The following PTN variants were observed in gnomAD, a reference collection of about 807,000 sequenced individuals.
PTN encodes the protein heparin affin regulatory protein.
A neutral mutation model predicts 24.1 loss-of-function variants in PTN; 18 were observed. The ratio of observed to expected loss-of-function variants is 0.75; its 90% confidence interval spans 0.52 to 1.11. PTN has a LOEUF of 1.11. Ranked by LOEUF, PTN falls within the 50% of genes least tolerant of loss-of-function variation. PTN has a pLI of 0.00. For synonymous variants in PTN, 78 were observed against 68.6 expected (o/e 1.14, Z -0.67); for missense variants, 163 against 198.8 (o/e 0.82, Z 1.08).
At chr7:137,294,268 G>A (rs1809684892) in intron 1 of PTN, among the ~76,000 whole-genome samples, 1 of 152,062 alleles carries the variant, frequency 6.6e-6, no homozygotes, top group East Asian at 1.9e-4. Flanking sequence ...TAGGTCCTTA[G>A]TAGGGCTGGT....
chr7:137,315,977 C>A (rs747947801), intron 1 of PTN, among the ~76,000 whole-genome samples: 2 of 151,972 alleles, frequency 1.3e-5, no homozygotes, highest in Non-Finnish European at 2.9e-5. Context: ...CAAATAAAAC[C>A]ATGTCTAAAA....
chr7:137,241,672 A>C (rs1864609), intron 4 of PTN, among the ~76,000 whole-genome samples: 33,050 of 152,126 alleles, frequency 0.22, 4,952 homozygotes, highest in African/African-American at 0.42. Context: ...GGATAGAGTT[A>C]GATCTCCCCA....
At chr7:137,293,995 T>G (rs1316026167) in intron 1 of PTN, among the ~76,000 whole-genome samples, 1 of 152,048 alleles carries the variant, frequency 6.6e-6, no homozygotes, top group Non-Finnish European at 1.5e-5. Context: ...AAGCAAAAAA[T>G]GTTGATGGAG....
chr7:137,248,912 T>A (rs1808773048), intron 4 of PTN, among the ~76,000 whole-genome samples: 1 of 152,210 alleles, frequency 6.6e-6, no homozygotes, highest in Non-Finnish European at 1.5e-5. Context: ...TTATATACCA[T>A]AATTTATTTA....
At chr7:137,234,782 C>T (rs778392746) in intron 4 of PTN, among the ~76,000 whole-genome samples, 7 of 151,918 alleles carry the variant, frequency 4.6e-5, no homozygotes, top group Non-Finnish European at 7.4e-5. Flanking sequence ...TTTCAGATGG[C>T]CTGCTGTGTA....
intron 1 of PTN, among the ~76,000 whole-genome samples, chr7:137,335,259 A>G (rs1442656947): frequency 1.3e-5 from 2 of 152,064 alleles, no homozygotes; most frequent in East Asian, 3.9e-4. Context: ...CAAATGAAGA[A>G]GGCAACATTT....
chr7:137,324,433 A>AAAAAAAAAAAAAAATAT, intron 1 of PTN, among the ~76,000 whole-genome samples: 10 of 88,762 alleles, frequency 1.1e-4, no homozygotes, highest in African/African-American at 6.2e-4. Flanking sequence ...AAAAAAAAAA[A>AAAAAAAAAAAAAAATAT]ATATATATAT....
chr7:137,229,810 G>T (rs1186653320), intron 4 of PTN, among the ~76,000 whole-genome samples: 1 of 151,784 alleles, frequency 6.6e-6, no homozygotes, highest in Non-Finnish European at 1.5e-5. Flanking sequence ...CCAAGTGAAA[G>T]ATACATTTTA....
chr7:137,245,437 T>C (rs951598756), intron 4 of PTN, among the ~76,000 whole-genome samples: 23 of 152,222 alleles, frequency 1.5e-4, no homozygotes, highest in Admixed American at 1.5e-3. Flanking sequence ...ATGTCTGTGG[T>C]GATGCGGATG....
At chr7:137,294,021 T>C (rs1809681219) in intron 1 of PTN, among the ~76,000 whole-genome samples, 1 of 152,284 alleles carries the variant, frequency 6.6e-6, no homozygotes, top group Middle Eastern at 3.4e-3. Flanking sequence ...CAAGTATATC[T>C]TGAGTCTGTT....
At chr7:137,331,245 C>T (rs1420063374) in intron 1 of PTN, among the ~76,000 whole-genome samples, 1 of 152,144 alleles carries the variant, frequency 6.6e-6, no homozygotes, top group Non-Finnish European at 1.5e-5. Context: ...CACATCTACC[C>T]CCTTATTCCT....
intron 1 of PTN, among the ~76,000 whole-genome samples, chr7:137,342,170 G>A (rs1185846666): frequency 2.0e-5 from 3 of 152,014 alleles, no homozygotes; most frequent in East Asian, 1.9e-4. Flanking sequence ...GCTAAAATGG[G>A]CCCTGCTGTT....
intron 1 of PTN, among the ~76,000 whole-genome samples, chr7:137,309,094 T>G (rs1259724750): frequency 6.6e-6 from 1 of 152,182 alleles, no homozygotes; most frequent in Non-Finnish European, 1.5e-5. Context: ...AGGAAACTGA[T>G]GTACGGCCAT....
intron 1 of PTN, among the ~76,000 whole-genome samples, chr7:137,331,900 C>T (rs974002598): frequency 1.3e-5 from 2 of 152,198 alleles, no homozygotes; most frequent in African/African-American, 2.4e-5. Context: ...ATCTAAACAG[C>T]ACATCTGCAA....
At chr7:137,279,676 G>A (rs1332830216) in intron 1 of PTN, among the ~76,000 whole-genome samples, 2 of 152,154 alleles carry the variant, frequency 1.3e-5, no homozygotes, top group African/African-American at 4.8e-5. Flanking sequence ...TATGTTTCTT[G>A]CTTGTCATAT....
At chr7:137,288,949 C>T (rs1038638436) in intron 1 of PTN, among the ~76,000 whole-genome samples, 1 of 152,096 alleles carries the variant, frequency 6.6e-6, no homozygotes, top group Admixed American at 6.6e-5. Flanking sequence ...ATAAACCTCC[C>T]TACTGAAATA....
chr7:137,237,960 T>C (rs1268891212), intron 4 of PTN, among the ~76,000 whole-genome samples: 2 of 152,206 alleles, frequency 1.3e-5, no homozygotes, highest in African/African-American at 2.4e-5. Context: ...CTGCCATCAA[T>C]ATCTGTGGGC....
intron 1 of PTN, among the ~76,000 whole-genome samples, chr7:137,329,884 AC>A (rs1689306730): frequency 6.6e-6 from 1 of 152,212 alleles, no homozygotes; most frequent in South Asian, 2.1e-4. Context: ...GCAACAAGAA[AC>A]ATAGCCAGTG....
chr7:137,254,079 C>T lies in PTN; in HGVS notation c.116-442G>A, dbSNP rs147467340. Among the ~76,000 whole-genome samples, 434 of 152,178 alleles carry T rather than the reference C, an allele frequency of 2.9e-3. 1 individual carries two copies. The highest frequency in any genetic ancestry group is 6.3e-3 in the Admixed American group (96 of 15,278). On this transcript the variant is annotated intron_variant, in intron 2 of 4. Coordinates refer to ENST00000348225, the MANE Select transcript of PTN (RefSeq NM_002825.7). ...CTTTGGGAGGTCGAAGCAGGCAGAT[C>T]ACAAGGTCAAAAGATCGAGACCATC...
Sources: allele counts gnomAD v4.1 joint callset (sites outside exome capture counted in the v4.1 genomes callset), GRCh38; gene constraint gnomAD v4.1.1; transcripts MANE v1.5; gene names NCBI Gene and HGNC (gene_info 2026-07-23, HGNC 2026-07-21).